Variants in AXL observed in about 807,000 individuals in gnomAD.
AXL encodes the protein tyrosine-protein kinase receptor UFO.
A neutral mutation model predicts 104.5 loss-of-function variants in AXL; 52 were observed. The ratio of observed to expected loss-of-function variants is 0.50; its 90% CI spans 0.40 to 0.63. The LOEUF (loss-of-function observed/expected upper bound fraction) is 0.63. Among genes scored for constraint, AXL ranks in the 20% least tolerant of loss-of-function variants. The pLI, the probability that AXL is intolerant of heterozygous loss-of-function variation, is 0.00. For synonymous variants in AXL, 455 were observed against 473.7 expected (o/e 0.96, Z 0.51); for missense variants, 1,024 against 1,188.5 (o/e 0.86, Z 2.04).
intron 12 of AXL, 83 bp from the exon 13 acceptor site, chr19:41,248,431 T>G: frequency 2.3e-6 from 3 of 1,317,578 alleles, no homozygotes; most frequent in East Asian, 2.3e-5. Flanking sequence ...GTTTCAACAA[T>G]GGATCTATCC....
At chr19:41,223,999 T>C (rs2033837377) in intron 4 of AXL, among the ~76,000 whole-genome samples, 1 of 151,856 alleles carries the variant, frequency 6.6e-6, no homozygotes, top group African/African-American at 2.4e-5. Flanking sequence ...TGACTAAATA[T>C]ATTTCCTTCA....
rs538386066 is a variant in AXL at position 41,222,404 on chromosome 19, G to A, written c.586+348G>A. ...CTGGGTTTCCTCTGAGCTGTTCCATGGCTCGAGTGCGTGTGGGCCTGGTGC... is the reference window on the plus strand; with the variant it reads ...CTGGGTTTCCTCTGAGCTGTTCCATAGCTCGAGTGCGTGTGGGCCTGGTGC... On this transcript the variant is annotated intron_variant, in intron 4 of 19. Coordinates refer to ENST00000301178, the MANE Select transcript of AXL (RefSeq NM_021913.5). 9.9e-5 allele frequency among the ~76,000 whole-genome samples: 15 copies of A among 152,158 alleles called. No homozygotes were observed. The South Asian group carries it at 3.1e-3, about 32-fold the overall frequency.
intron 4 of AXL, among the ~76,000 whole-genome samples, chr19:41,230,538 C>CTG (rs549502464): frequency 9.7e-4 from 129 of 133,140 alleles, no homozygotes; most frequent in Middle Eastern, 5.6e-3. Context: ...GTGTCTGTGT[C>CTG]TGTGTGTCTG....
At position 41,238,479 on chromosome 19, in the gene AXL, GC is replaced by G; in HGVS notation, c.1010del (p.Pro337LeufsTer29). 6.2e-7 allele frequency: 1 copy of G among 1,610,890 alleles called. No homozygotes were observed. Among genetic ancestry groups the G allele is most frequent in the Non-Finnish European group, 8.5e-7 (1 of 1,177,530 alleles). On this transcript the variant is annotated frameshift_variant, in exon 8 of 20. Coordinates refer to ENST00000301178, the MANE Select transcript of AXL (RefSeq NM_021913.5). LOFTEE classifies it high-confidence loss of function. Reference protein sequence around the residue: ...PVETPEGVPLGPPENISATRN... With the variant: ...PVETPEGVPLXPPENISATRN... ...CTTCCCTGTCCTCCAGTGCCCCTGG[GC>G]CCCCCTGAGAACATTAGTGCTACGC...
chr19:41,236,771 C>A (rs373095582), intron 6 of AXL, among the ~76,000 whole-genome samples: 3 of 142,730 alleles, frequency 2.1e-5, no homozygotes, highest in Non-Finnish European at 4.5e-5. Flanking sequence ...AGCAAGACTC[C>A]CTCTCCAAAA....
At chr19:41,241,489 A>G (rs2034179456) in intron 10 of AXL, among the ~76,000 whole-genome samples, 1 of 149,068 alleles carries the variant, frequency 6.7e-6, no homozygotes, top group Non-Finnish European at 1.5e-5. Flanking sequence ...GGTTACAGTG[A>G]GCCAAGATCA....
chr19:41,247,257 T>TA (rs1218526212), intron 12 of AXL, among the ~76,000 whole-genome samples: 1 of 152,220 alleles, frequency 6.6e-6, no homozygotes, highest in Non-Finnish European at 1.5e-5. Flanking sequence ...CTCACGCTTG[T>TA]AATCCCAACA....
At chr19:41,235,623 G>A (rs1464663589) in intron 6 of AXL, among the ~76,000 whole-genome samples, 2 of 152,102 alleles carry the variant, frequency 1.3e-5, no homozygotes, top group African/African-American at 4.8e-5. Context: ...CAGACAAGAG[G>A]TATTGTTACC....
rs1237997468 is a variant in AXL at position 41,236,118 on chromosome 19, A to G, written c.784-1826A>G. On this transcript the variant is annotated intron_variant, in intron 6 of 19. Transcript: ENST00000301178. The stretch of plus-strand genomic sequence containing the variant: ...GGCCGAGGGGGGCGGATCACTTGAG[A>G]TCAGGAGTTCAAGACCAGCCTGACC... 2.7e-5 allele frequency among the ~76,000 whole-genome samples: 4 copies of G among 150,648 alleles called. No homozygotes were observed. The East Asian group carries it at 8.0e-4, about 30-fold the overall frequency.
chr19:41,243,754 G>A (rs144646602), intron 12 of AXL, 47 bp downstream of exon 12: 5 of 1,542,214 alleles, frequency 3.2e-6, no homozygotes, highest in South Asian at 1.1e-5. Flanking sequence ...TCTAAAGGCT[G>A]TAGAGAATCT....
chr19:41,259,837 C>G lies in AXL; in HGVS notation c.2618C>G (p.Thr873Ser). The change falls in exon 20 of 20, where the codon ACC becomes AGC. Residue 873 changes from threonine (T) to serine (S), a missense_variant. Thr to Ser is a moderately conservative substitution (Grantham distance 58). This residue lies in a region of AXL where 523 missense variants were observed against 636.0 expected (regional missense o/e 0.82). Transcript: ENST00000301178. Reference sequence around the variant, plus strand: ...CGCTATGTCCTCTGCCCTTCCACAACCCCTAGCCCCGCTCAGCCTGCTGAT... The same window carrying G: ...CGCTATGTCCTCTGCCCTTCCACAAGCCCTAGCCCCGCTCAGCCTGCTGAT... ...AGRYVLCPST[T>S]PSPAQPADRG... 2 of 1,612,638 alleles carry G rather than the reference C, an allele frequency of 1.2e-6. No homozygotes were observed. The highest frequency in any genetic ancestry group is 8.5e-7 in the Non-Finnish European group (1 of 1,179,172).
rs2034536331 is a variant in AXL at position 41,261,156 on chromosome 19, C to T, written c.*1252C>T. On this transcript the variant is annotated 3_prime_UTR_variant, in exon 20 of 20. Transcript: ENST00000301178. ...ATTCTCTGTGTCTAAGATTCTAGAT[C>T]AGATGCTCCAAGATTCTAGATGATT... 1 of 152,422 alleles carries T rather than the reference C, an allele frequency of 6.6e-6. No homozygotes were observed. Among genetic ancestry groups the T allele is most frequent in the African/African-American group, 2.4e-5 (1 of 41,422 alleles). 9.4% of individuals were successfully genotyped at this position (152,422 alleles called of 1,614,324 possible).
In AXL at chr19:41,259,965, ACTC is replaced by A. The variant is rs2122300152; in HGVS notation, c.*63_*65del. The A allele has an allele frequency of 5.6e-6, 8 of 1,424,438 alleles. No individual in the cohort carries two copies. The South Asian group carries it at 1.0e-4, about 18-fold the overall frequency. The allele number at this position is 1,424,438 out of a possible 1,614,324, so 88.2% of individuals were successfully genotyped here. On this transcript the variant is annotated 3_prime_UTR_variant, in exon 20 of 20. Transcript: ENST00000301178. ...AAGCTAAGCACTGCCACTGGGGAAA[ACTC>A]CACCTTCCCACTTTCCCACCCCACG... is the stretch of plus-strand genomic sequence containing the variant.
At chr19:41,254,001 G>A (rs553200405) in intron 17 of AXL, among the ~76,000 whole-genome samples, 4 of 152,082 alleles carry the variant, frequency 2.6e-5, no homozygotes, top group East Asian at 1.9e-4. Flanking sequence ...GTGGGGACAC[G>A]TGAGCTGCAT....
rs143593613 is a variant in AXL at position 41,238,544 on chromosome 19, C to A, written c.1069C>A (p.Arg357=). The A allele has an allele frequency of 1.2e-6, 2 of 1,613,972 alleles. No individual in the cohort carries two copies. The highest frequency in any genetic ancestry group is 1.7e-6 in the Non-Finnish European group (2 of 1,179,928). The change falls in exon 8 of 20, where the codon CGG becomes AGG. Residue 357 remains arginine (R), a synonymous_variant. Transcript: ENST00000301178. ...SQAFVHWQEP[R]APLQGTLLGY... Reference sequence around the variant, plus strand: ...GGCCTTCGTGCATTGGCAAGAGCCCCGGGCGCCCCTGCAGGGTACCCTGTT... The same window carrying A: ...GGCCTTCGTGCATTGGCAAGAGCCCAGGGCGCCCCTGCAGGGTACCCTGTT...
intron 4 of AXL, among the ~76,000 whole-genome samples, chr19:41,229,598 C>T (rs916435866): frequency 1.3e-5 from 2 of 152,118 alleles, no homozygotes; most frequent in Non-Finnish European, 2.9e-5. Flanking sequence ...CCAGGCCTAG[C>T]GGACTGAGAG....
rs1018029358 is a variant in AXL, at chr19:41,243,145, G to A, written c.1445+130G>A. The A allele has an allele frequency of 6.0e-5, 82 of 1,361,492 alleles. 2 individuals are homozygous for A. Among genetic ancestry groups the A allele is most frequent in the South Asian group, 5.1e-4 (38 of 74,378 alleles). The allele number at this position is 1,361,492 out of a possible 1,614,324, so 84.3% of individuals were successfully genotyped here. ...AGAATGAGGGCAAGGGAAGCCAGGC[G>A]TGGTGGCTCACGCCTGTAATCCCAG... On this transcript the variant is annotated intron_variant, in intron 11 of 19. Transcript: ENST00000301178.
chr19:41,223,486 C>T (rs114206352), intron 4 of AXL, among the ~76,000 whole-genome samples: 1,892 of 152,238 alleles, frequency 0.012, 33 homozygotes, highest in African/African-American at 0.041. Flanking sequence ...GGAGGAAAGA[C>T]AGAGGAGCAG....
intron 6 of AXL, among the ~76,000 whole-genome samples, chr19:41,237,579 G>A (rs1021142402): frequency 1.3e-5 from 2 of 151,984 alleles, no homozygotes; most frequent in African/African-American, 2.4e-5. Context: ...TATTATTATC[G>A]GTGCTGACCA....
Sources: allele counts gnomAD v4.1 joint callset (sites outside exome capture counted in the v4.1 genomes callset), GRCh38; gene constraint gnomAD v4.1.1; regional missense constraint gnomAD v4.1.1; transcripts MANE v1.5; gene names NCBI Gene and HGNC (gene_info 2026-07-23, HGNC 2026-07-21).